The following VAV3 variants were observed in gnomAD, a reference collection of about 807,000 sequenced individuals.
VAV3 encodes vav guanine nucleotide exchange factor 3, also known as guanine nucleotide exchange factor VAV3.
Under a neutral mutation model 131.2 loss-of-function variants are expected in VAV3, and 94 were observed. The observed-to-expected ratio is 0.72, with a 90% CI of 0.61 to 0.85. VAV3 has a LOEUF of 0.85. VAV3 is among the 40% of genes least tolerant of loss of function. The probability of loss-of-function intolerance (pLI) is 0.00; values close to 1 mark genes in which losing one functional copy is unlikely to be tolerated. For synonymous variants in VAV3, 349 were observed against 342.0 expected, an observed-to-expected ratio of 1.02 and a Z score of -0.22; for missense variants, 939 against 1,002.7, an observed-to-expected ratio of 0.94 and a Z score of 0.86.
intron 4 of VAV3, among the ~76,000 whole-genome samples, chr1:107,776,867 C>A (rs1665389331): frequency 6.6e-6 from 1 of 152,194 alleles, no homozygotes; most frequent in Non-Finnish European, 1.5e-5. Context: ...CCACACTTAT[C>A]TCTCCCTTCC....
At chr1:107,869,427 G>A (rs1365861652) in intron 2 of VAV3, among the ~76,000 whole-genome samples, 1 of 152,038 alleles carries the variant, frequency 6.6e-6, no homozygotes, top group African/African-American at 2.4e-5. Context: ...AATAATAATA[G>A]TGATAATAAC....
chr1:107,586,038 A>T (rs1650460987), intron 25 of VAV3, among the ~76,000 whole-genome samples: 1 of 152,098 alleles, frequency 6.6e-6, no homozygotes, highest in African/African-American at 2.4e-5. Flanking sequence ...TACCAGAAAG[A>T]GGGAAAATGA....
chr1:107,608,310 A>G (rs1038017513), intron 22 of VAV3, among the ~76,000 whole-genome samples: 1 of 152,142 alleles, frequency 6.6e-6, no homozygotes, highest in Admixed American at 6.5e-5. Flanking sequence ...TTAGCATTTT[A>G]TCTCTCAAAT....
chr1:107,840,264 A>C (rs1163971858), intron 2 of VAV3, among the ~76,000 whole-genome samples: 1 of 152,200 alleles, frequency 6.6e-6, no homozygotes, highest in Non-Finnish European at 1.5e-5. Flanking sequence ...TTTAAATTCA[A>C]TACATAAAAA....
At chr1:107,827,345 G>C (rs193001560) in intron 2 of VAV3, among the ~76,000 whole-genome samples, 3 of 152,204 alleles carry the variant, frequency 2.0e-5, no homozygotes, top group African/African-American at 7.2e-5. Context: ...TTACAAATGA[G>C]GTCACTGTTC....
At chr1:107,791,962 C>T (rs1666308171) in intron 2 of VAV3, among the ~76,000 whole-genome samples, 2 of 152,168 alleles carry the variant, frequency 1.3e-5, no homozygotes, top group African/African-American at 4.8e-5. Context: ...TACATTTGAA[C>T]CCAGCTTTCA....
intron 20 of VAV3, among the ~76,000 whole-genome samples, chr1:107,623,808 C>A (rs1395662398): frequency 6.6e-6 from 1 of 152,028 alleles, no homozygotes; most frequent in Non-Finnish European, 1.5e-5. Context: ...AACTTTTGTC[C>A]AATGTATAAA....
intron 1 of VAV3, among the ~76,000 whole-genome samples, chr1:107,919,676 AT>A (rs1672796213): frequency 3.9e-5 from 6 of 152,196 alleles, no homozygotes; most frequent in Admixed American, 3.3e-4. Flanking sequence ...ATTATATTTT[AT>A]TACAGTTATA....
intron 21 of VAV3, among the ~76,000 whole-genome samples, chr1:107,616,131 C>T (rs1241536523): frequency 1.3e-5 from 2 of 152,020 alleles, no homozygotes; most frequent in Non-Finnish European, 1.5e-5. Context: ...AATTGTTCTA[C>T]AAATAAAGGT....
chr1:107,576,846 T>G (rs1422062230), intron 25 of VAV3, among the ~76,000 whole-genome samples: 1 of 152,206 alleles, frequency 6.6e-6, no homozygotes, highest in African/African-American at 2.4e-5. Flanking sequence ...AAGAAAAGCC[T>G]GTAAGATGGT....
At chr1:107,585,486 T>G (rs1650408473) in intron 25 of VAV3, among the ~76,000 whole-genome samples, 1 of 152,162 alleles carries the variant, frequency 6.6e-6, no homozygotes, top group Admixed American at 6.6e-5. Flanking sequence ...CTAAAGTCCT[T>G]TAGGGCCTTA....
intron 2 of VAV3, among the ~76,000 whole-genome samples, chr1:107,805,218 G>T (rs1269846721): frequency 6.6e-6 from 1 of 152,098 alleles, no homozygotes; most frequent in South Asian, 2.1e-4. Context: ...GTTTTGAAAA[G>T]TTGTCTACTG....
rs779515665 is a variant in VAV3 at position 107,704,662 on chromosome 1, A to AAT, written c.1605-14_1605-13dup. 3 of 1,601,974 alleles carry AAT rather than the reference A, an allele frequency of 1.9e-6. No individual in the cohort carries two copies. Among genetic ancestry groups the AAT allele is most frequent in the Non-Finnish European group, 8.5e-7 (1 of 1,170,540 alleles). On this transcript the variant is annotated splice_polypyrimidine_tract_variant and intron_variant, in intron 16 of 26. Transcript: ENST00000370056. ...GATAAAATGTTCCCCTGAAAGGTGA[A>AAT]ATAAGAAAGTGGTATATTAAACGGT...
chr1:107,586,236 G>A (rs2101030128), intron 25 of VAV3, among the ~76,000 whole-genome samples: 1 of 151,732 alleles, frequency 6.6e-6, no homozygotes, highest in East Asian at 1.9e-4. Flanking sequence ...CTACTAGCAA[G>A]TGGCATCTCC....
At chr1:107,809,724 G>A (rs1443366690) in intron 2 of VAV3, among the ~76,000 whole-genome samples, 1 of 152,148 alleles carries the variant, frequency 6.6e-6, no homozygotes, top group Admixed American at 6.5e-5. Flanking sequence ...ATGCATTTTT[G>A]TAGGCAAATC....
intron 2 of VAV3, among the ~76,000 whole-genome samples, chr1:107,808,468 T>C (rs1241584344): frequency 6.6e-6 from 1 of 152,180 alleles, no homozygotes; most frequent in East Asian, 1.9e-4. Context: ...GTATATATTT[T>C]TTCAAGACTA....
chr1:107,921,597 A>C (rs1337161383), intron 1 of VAV3, among the ~76,000 whole-genome samples: 1 of 152,238 alleles, frequency 6.6e-6, no homozygotes, highest in Non-Finnish European at 1.5e-5. Flanking sequence ...CTGACAGCCA[A>C]GTCATCACTC....
chr1:107,952,673 G>A (rs345274), intron 1 of VAV3, among the ~76,000 whole-genome samples: 88,592 of 151,380 alleles, frequency 0.59, 28,650 homozygotes, highest in Middle Eastern at 0.75. Flanking sequence ...TAACCCAAAC[G>A]GCTCCCTTCC....
chr1:107,645,323 T>A (rs898606507), intron 19 of VAV3, among the ~76,000 whole-genome samples: 2 of 720 alleles, frequency 2.8e-3, no homozygotes, highest in African/African-American at 3.5e-3. Context: ...TGGAATGTAT[T>A]TTTTTTTTTT....
Sources: allele counts gnomAD v4.1 joint callset (sites outside exome capture counted in the v4.1 genomes callset), GRCh38; gene constraint gnomAD v4.1.1; transcripts MANE v1.5; gene names NCBI Gene and HGNC (gene_info 2026-07-23, HGNC 2026-07-21).